Variants in SPOCK1 observed in about 807,000 individuals in gnomAD.
SPOCK1 encodes the protein testican-1.
SPOCK1 carries 23 observed loss-of-function variants against 55.3 expected under a neutral mutation model. That is an observed-to-expected ratio of 0.42 (90% CI 0.30 to 0.59). The LOEUF (loss-of-function observed/expected upper bound fraction) is 0.59, where lower values mean the gene tolerates loss of function less well. Ranked by LOEUF, SPOCK1 falls within the 20% of genes least tolerant of loss-of-function variation. The probability of loss-of-function intolerance (pLI) is 0.22; values close to 1 mark genes in which losing one functional copy is unlikely to be tolerated. For synonymous variants in SPOCK1, 226 were observed against 221.0 expected, an observed-to-expected ratio of 1.02 and a Z score of -0.20; for missense variants, 499 against 552.5, an observed-to-expected ratio of 0.90 and a Z score of 0.97.
chr5:137,068,930 A>G (rs1401640487), intron 5 of SPOCK1, among the ~76,000 whole-genome samples: 7 of 152,198 alleles, frequency 4.6e-5, no homozygotes, highest in African/African-American at 1.4e-4. Flanking sequence ...GACCACATGC[A>G]TATCTGGTGG....
At chr5:137,340,477 C>T (rs763384133) in intron 2 of SPOCK1, among the ~76,000 whole-genome samples, 1 of 152,208 alleles carries the variant, frequency 6.6e-6, no homozygotes, top group African/African-American at 2.4e-5. Context: ...CCTATCTGAG[C>T]CTTCAGTTCT....
intron 2 of SPOCK1, among the ~76,000 whole-genome samples, chr5:137,483,080 C>A (rs1330866162): frequency 1.3e-5 from 2 of 152,218 alleles, no homozygotes; most frequent in Non-Finnish European, 2.9e-5. Context: ...CGCCTGTAAT[C>A]CCAGCACTTT....
chr5:137,291,221 C>A (rs573736888), intron 2 of SPOCK1, among the ~76,000 whole-genome samples: 1 of 152,324 alleles, frequency 6.6e-6, no homozygotes, highest in South Asian at 2.1e-4. Flanking sequence ...CAGACAGACA[C>A]TGGAGGAGCA....
At chr5:137,225,052 T>C (rs1462435646) in intron 3 of SPOCK1, among the ~76,000 whole-genome samples, 3 of 152,180 alleles carry the variant, frequency 2.0e-5, no homozygotes, top group Admixed American at 1.3e-4. Flanking sequence ...AAGCCCTTCA[T>C]GTTCAATCTC....
intron 3 of SPOCK1, among the ~76,000 whole-genome samples, chr5:137,149,246 G>A (rs907369741): frequency 2.0e-5 from 3 of 152,306 alleles, no homozygotes; most frequent in South Asian, 2.1e-4. Context: ...GAAGCCCAGC[G>A]CAGCATGGGA....
chr5:137,451,183 C>G (rs1044235533), intron 2 of SPOCK1, among the ~76,000 whole-genome samples: 32 of 152,192 alleles, frequency 2.1e-4, no homozygotes, highest in African/African-American at 7.7e-4. Flanking sequence ...TAGTCTAAAA[C>G]AGAACAGTTT....
chr5:137,005,022 C>T (rs945122829), intron 6 of SPOCK1, among the ~76,000 whole-genome samples: 1 of 152,206 alleles, frequency 6.6e-6, no homozygotes, highest in Admixed American at 6.5e-5. Context: ...CAAAATTATT[C>T]TTCTTGTAGG....
At chr5:137,370,073 T>C (rs1389854800) in intron 2 of SPOCK1, among the ~76,000 whole-genome samples, 1 of 151,980 alleles carries the variant, frequency 6.6e-6, no homozygotes, top group Non-Finnish European at 1.5e-5. Flanking sequence ...TGGTAGCGAG[T>C]GATGCAAGGA....
At chr5:137,422,369 C>T (rs1342264908) in intron 2 of SPOCK1, among the ~76,000 whole-genome samples, 1 of 152,228 alleles carries the variant, frequency 6.6e-6, no homozygotes, top group African/African-American at 2.4e-5. Flanking sequence ...GGATAATACC[C>T]TGCAGAGTGT....
Position 137,251,569 on chromosome 5 carries a change from C to T in SPOCK1, c.232+15441G>A, listed in dbSNP as rs116449374. On this transcript the variant is annotated intron_variant, in intron 3 of 10. Transcript: ENST00000394945. ...TGATGCTCCGATTTGACAGAGCAGC[C>T]TCCCTGCCTGAGTGGTCACCTTCAA... Among the ~76,000 whole-genome samples the T allele has an allele frequency of 5.5e-3, 841 of 152,254 alleles. 6 individuals carry two copies. The highest frequency in any genetic ancestry group is 0.019 in the African/African-American group (791 of 41,536).
intron 2 of SPOCK1, among the ~76,000 whole-genome samples, chr5:137,406,959 G>T (rs114942357): frequency 3.4e-4 from 51 of 152,144 alleles, no homozygotes; most frequent in Non-Finnish European, 6.0e-4. Flanking sequence ...ACTGATGCTC[G>T]CAGGAGAAAG....
At chr5:137,204,305 G>A (rs1755482642) in intron 3 of SPOCK1, among the ~76,000 whole-genome samples, 1 of 152,140 alleles carries the variant, frequency 6.6e-6, no homozygotes, top group Admixed American at 6.5e-5. Context: ...AGACAGTTTT[G>A]TAAACCTGAT....
intron 6 of SPOCK1, among the ~76,000 whole-genome samples, chr5:137,002,527 T>C (rs1751171815): frequency 6.6e-6 from 1 of 151,982 alleles, no homozygotes; most frequent in South Asian, 2.1e-4. Flanking sequence ...TGGTTTAAAA[T>C]GCCAAGTCTG....
chr5:137,131,560 A>G (rs1753877053), intron 4 of SPOCK1, among the ~76,000 whole-genome samples: 1 of 151,784 alleles, frequency 6.6e-6, no homozygotes, highest in Non-Finnish European at 1.5e-5. Context: ...GTGAGCAGAG[A>G]TCATGCCACT....
At chr5:137,089,344 C>T (rs1477996265) in intron 5 of SPOCK1, among the ~76,000 whole-genome samples, 1 of 152,210 alleles carries the variant, frequency 6.6e-6, no homozygotes, top group Non-Finnish European at 1.5e-5. Context: ...CTCCCAGACT[C>T]AAAATTGTGG....
intron 2 of SPOCK1, among the ~76,000 whole-genome samples, chr5:137,482,613 T>C (rs1169926759): frequency 2.6e-5 from 4 of 152,074 alleles, no homozygotes; most frequent in Non-Finnish European, 5.9e-5. Context: ...TGCTCCCCAA[T>C]ACCCAGCCAT....
At chr5:137,223,620 T>C (rs956456004) in intron 3 of SPOCK1, among the ~76,000 whole-genome samples, 1 of 152,200 alleles carries the variant, frequency 6.6e-6, no homozygotes, top group African/African-American at 2.4e-5. Context: ...ACACATATTT[T>C]CAACAATGAG....
chr5:137,110,080 C>T (rs188378883), intron 5 of SPOCK1, among the ~76,000 whole-genome samples: 152 of 152,230 alleles, frequency 1.0e-3, no homozygotes, highest in African/African-American at 3.1e-3. Flanking sequence ...ATTCTTTCTA[C>T]GGTGAGTGAC....
intron 5 of SPOCK1, among the ~76,000 whole-genome samples, chr5:137,083,735 T>C (rs1752913285): frequency 1.3e-5 from 2 of 152,090 alleles, no homozygotes; most frequent in South Asian, 4.1e-4. Flanking sequence ...GAGAGCTATG[T>C]TACATTTGGG....
Sources: allele counts gnomAD v4.1 joint callset (sites outside exome capture counted in the v4.1 genomes callset), GRCh38; gene constraint gnomAD v4.1.1; transcripts MANE v1.5; gene names NCBI Gene and HGNC (gene_info 2026-07-23, HGNC 2026-07-21).